Variants in STYX observed in about 807,000 individuals in gnomAD.
STYX encodes serine/threonine/tyrosine interacting protein, also known as serine/threonine/tyrosine-interacting protein.
In STYX, 20 loss-of-function variants were observed where a neutral mutation model predicts 42.7. The ratio of observed to expected loss-of-function variants is 0.47; its 90% CI spans 0.33 to 0.68. The LOEUF (loss-of-function observed/expected upper bound fraction) is 0.68. STYX is among the 30% of genes least tolerant of loss of function. The pLI, the probability that STYX is intolerant of heterozygous loss-of-function variation, is 0.02. For missense variants in STYX, 226 were observed against 268.5 expected, an observed-to-expected ratio of 0.84 and a Z score of 1.11; for synonymous variants, 78 against 81.9, an observed-to-expected ratio of 0.95 and a Z score of 0.26.
intron 10 of STYX, among the ~76,000 whole-genome samples, chr14:52,770,802 T>G (rs531407583): frequency 1.3e-5 from 2 of 152,226 alleles, no homozygotes; most frequent in South Asian, 4.1e-4. Context: ...TTATTTTATA[T>G]GCAATACCTA....
At chr14:52,741,967 T>C (rs1480736651) in intron 1 of STYX, among the ~76,000 whole-genome samples, 1 of 152,210 alleles carries the variant, frequency 6.6e-6, no homozygotes, top group African/African-American at 2.4e-5. Flanking sequence ...TGTGAGCTTG[T>C]TGGGACTTTA....
chr14:52,744,408 T>C (rs1310417301), intron 1 of STYX, among the ~76,000 whole-genome samples: 1 of 152,236 alleles, frequency 6.6e-6, no homozygotes, highest in Non-Finnish European at 1.5e-5. Context: ...CATTCTTCTT[T>C]TATCCATTTC....
At chr14:52,757,404 G>A in intron 6 of STYX, 49 bp downstream of exon 6, 1 of 1,520,624 alleles carries the variant, frequency 6.6e-7, no homozygotes, top group South Asian at 1.2e-5. Context: ...TTGATTATTT[G>A]TTAATTTTTT....
intron 1 of STYX, among the ~76,000 whole-genome samples, chr14:52,739,779 C>T (rs1044644380): frequency 1.3e-5 from 2 of 150,970 alleles, no homozygotes; most frequent in Middle Eastern, 3.2e-3. Context: ...GTAGCTAGGA[C>T]CTCAGTCATG....
At chr14:52,744,081 C>T (rs1210849570) in intron 1 of STYX, among the ~76,000 whole-genome samples, 1 of 152,218 alleles carries the variant, frequency 6.6e-6, no homozygotes, top group African/African-American at 2.4e-5. Flanking sequence ...GCCTCGGCAT[C>T]CCAAAGTGCT....
At chr14:52,756,805 A>G (rs1442313647) in intron 5 of STYX, among the ~76,000 whole-genome samples, 194 bp downstream of exon 5, 2 of 147,960 alleles carry the variant, frequency 1.4e-5, no homozygotes, top group Non-Finnish European at 1.5e-5. Context: ...TTTCTGCCTC[A>G]GCCTCCCAAG....
chr14:52,768,582 A>G (rs1336567509), intron 9 of STYX, among the ~76,000 whole-genome samples: 5 of 152,186 alleles, frequency 3.3e-5, no homozygotes, highest in Non-Finnish European at 7.3e-5. Context: ...GTCAGAGATC[A>G]TTATAGCTAA....
rs956194660 is a variant in STYX, at chr14:52,772,175, A to C, written c.*1069A>C. On this transcript the variant is annotated 3_prime_UTR_variant, in exon 11 of 11. Coordinates refer to ENST00000354586, the MANE Select transcript of STYX (RefSeq NM_145251.4). ...TTAAACCATAAATTAGTTTAAACTG[A>C]AAGTACGAGGCTGGAAGAAATATTA... 6.6e-6 allele frequency: 1 copy of C among 152,178 alleles called. No individual in the cohort carries two copies. The allele number at this position is 152,178 out of a possible 1,614,324, so 9.4% of individuals were successfully genotyped here.
At chr14:52,753,932 C>T (rs376467886) in intron 4 of STYX, among the ~76,000 whole-genome samples, 18 of 115,918 alleles carry the variant, frequency 1.6e-4, no homozygotes, top group African/African-American at 5.9e-4. Flanking sequence ...GACAGAGTCT[C>T]GCTCTGTCAT....
At chr14:52,750,480 G>A (rs1881567244) in intron 3 of STYX, among the ~76,000 whole-genome samples, 1 of 152,068 alleles carries the variant, frequency 6.6e-6, no homozygotes, top group East Asian at 1.9e-4. Context: ...ACCTTTTGAG[G>A]ACATTAATGT....
At chr14:52,750,813 TAATG>T in intron 4 of STYX, 33 bp downstream of exon 4, 2 of 1,391,566 alleles carry the variant, frequency 1.4e-6, no homozygotes, top group Non-Finnish European at 2.0e-6. Flanking sequence ...GTAAAACACT[TAATG>T]AAGTTTCATT....
Position 52,767,513 on chromosome 14 carries a change from T to C in STYX, c.505-1327T>C, listed in dbSNP as rs17125744. Among the ~76,000 whole-genome samples, 781 of 152,312 alleles carry C rather than the reference T, an allele frequency of 5.1e-3. 7 individuals carry two copies. The highest frequency in any genetic ancestry group is 0.045 in the East Asian group (231 of 5,186). ...TTTTGTTTTGTTTTTTCTTGCAAAA[T>C]CTTTGAGTAAGACCTAACTGGTTCC... On this transcript the variant is annotated intron_variant, in intron 9 of 10. Transcript: ENST00000354586.
At chr14:52,744,399 A>C (rs1594868559) in intron 1 of STYX, among the ~76,000 whole-genome samples, 2 of 152,172 alleles carry the variant, frequency 1.3e-5, no homozygotes, top group Non-Finnish European at 2.9e-5. Context: ...ATGACATAGC[A>C]TTCTTCTTTT....
In STYX at chr14:52,732,118, CAG is replaced by C. The variant is rs1308518771; in HGVS notation, c.57+1590_57+1591del. Among the ~76,000 whole-genome samples the C allele has an allele frequency of 7.4e-5, 10 of 135,482 alleles. No individual in the cohort carries two copies. In the East Asian group the frequency reaches 1.6e-3, roughly 21 times the overall value. The allele number at this position is 135,482 out of a possible 152,430, so 88.9% of individuals were successfully genotyped here. A position where few individuals can be genotyped will look rare whatever the true frequency, so the allele number is the denominator to read the frequency against. ...TTTTTTTTTTTTTTTTTTTTTGACA[CAG>C]AGTTTCACTCTTGTTGCCCCAGGCT... On this transcript the variant is annotated intron_variant, in intron 1 of 10. Coordinates refer to ENST00000354586, the MANE Select transcript of STYX (RefSeq NM_145251.4).
chr14:52,764,695 G>A (rs537061422), intron 9 of STYX, among the ~76,000 whole-genome samples: 7 of 119,712 alleles, frequency 5.8e-5, no homozygotes, highest in African/African-American at 1.3e-4. Context: ...TTGAGTTAGA[G>A]TCTCACACTC....
At chr14:52,736,061 C>T (rs1328759943) in intron 1 of STYX, among the ~76,000 whole-genome samples, 1 of 152,144 alleles carries the variant, frequency 6.6e-6, no homozygotes, top group Non-Finnish European at 1.5e-5. Flanking sequence ...CTCTGTAAGC[C>T]CTAGCCATAT....
chr14:52,763,017 A>G (rs1354465663), intron 9 of STYX, among the ~76,000 whole-genome samples: 5 of 149,166 alleles, frequency 3.4e-5, no homozygotes, highest in Admixed American at 6.7e-5. Context: ...CTCAGCCTCC[A>G]GAATAGCTGG....
intron 1 of STYX, among the ~76,000 whole-genome samples, chr14:52,744,139 A>T (rs1389649494): frequency 6.6e-6 from 1 of 152,152 alleles, no homozygotes; most frequent in East Asian, 1.9e-4. Flanking sequence ...GTCTATTTCG[A>T]TTCTTCATTT....
At position 52,750,793 on chromosome 14, in the gene STYX, G is replaced by A. The variant is rs1256245830; in HGVS notation, c.242+13G>A. The A allele has an allele frequency of 1.3e-6, 2 of 1,486,576 alleles. No homozygotes were observed. Among genetic ancestry groups the A allele is most frequent in the Admixed American group, 2.0e-5 (1 of 50,840 alleles). The allele number at this position is 1,486,576 out of a possible 1,614,324, so 92.1% of individuals were successfully genotyped here. A position where few individuals can be genotyped will look rare whatever the true frequency, so the allele number is the denominator to read the frequency against. ...AGCAGTTATTTAGGTAAGAATTATT[G>A]CTATGATTTGTAAAACACTTAATGA... is the stretch of plus-strand genomic sequence containing the variant. On this transcript the variant is annotated intron_variant, in intron 4 of 10. Coordinates refer to ENST00000354586, the MANE Select transcript of STYX (RefSeq NM_145251.4).
Sources: allele counts gnomAD v4.1 joint callset (sites outside exome capture counted in the v4.1 genomes callset), GRCh38; gene constraint gnomAD v4.1.1; transcripts MANE v1.5; gene names NCBI Gene and HGNC (gene_info 2026-07-23, HGNC 2026-07-21).